The following IGSF11 variants were observed in gnomAD, a reference collection of about 807,000 sequenced individuals.
The protein encoded by IGSF11 is immunoglobulin superfamily member 11.
In IGSF11, 22 loss-of-function variants were observed where a neutral mutation model predicts 41.0. The ratio of observed to expected loss-of-function variants is 0.54; its 90% CI spans 0.38 to 0.77. IGSF11 has a LOEUF of 0.77. IGSF11 is among the 30% of genes least tolerant of loss of function. The pLI, the probability that IGSF11 is intolerant of heterozygous loss-of-function variation, is 0.00. For missense variants in IGSF11, 444 were observed against 530.8 expected (o/e 0.84, Z 1.61); for synonymous variants, 219 against 201.3 (o/e 1.09, Z -0.74).
At chr3:118,956,935 G>T (rs923864805) in intron 1 of IGSF11, among the ~76,000 whole-genome samples, 1 of 152,082 alleles carries the variant, frequency 6.6e-6, no homozygotes, top group Non-Finnish European at 1.5e-5. Context: ...ATAAAACAAG[G>T]TATGCCTCTG....
chr3:119,059,157 A>T (rs962245179), intron 1 of IGSF11, among the ~76,000 whole-genome samples: 1 of 143,006 alleles, frequency 7.0e-6, no homozygotes, highest in Admixed American at 7.0e-5. Context: ...AAGAAAATGT[A>T]GTGTGTGTGT....
intron 1 of IGSF11, among the ~76,000 whole-genome samples, chr3:119,087,061 C>T (rs1327036711): frequency 6.6e-6 from 1 of 152,086 alleles, no homozygotes; most frequent in Non-Finnish European, 1.5e-5. Flanking sequence ...GGAGTAAGAT[C>T]TAACATGGAA....
intron 4 of IGSF11, among the ~76,000 whole-genome samples, chr3:118,925,508 C>A (rs1942210522): frequency 6.6e-6 from 1 of 152,074 alleles, no homozygotes; most frequent in African/African-American, 2.4e-5. Flanking sequence ...TTGACAAAAT[C>A]TCTTCAATTT....
At chr3:118,967,607 A>G (rs1945771523) in intron 1 of IGSF11, among the ~76,000 whole-genome samples, 1 of 152,118 alleles carries the variant, frequency 6.6e-6, no homozygotes, top group African/African-American at 2.4e-5. Flanking sequence ...GTCAGTAGGA[A>G]TTCAACTTAG....
At chr3:119,024,291 G>A (rs1162668809) in intron 1 of IGSF11, among the ~76,000 whole-genome samples, 2 of 152,078 alleles carry the variant, frequency 1.3e-5, no homozygotes, top group Non-Finnish European at 2.9e-5. Flanking sequence ...ATATTCTCAC[G>A]AAAATGAATC....
chr3:119,105,043 T>C (rs1265695788), intron 1 of IGSF11: 2 of 682,168 alleles, frequency 2.9e-6, no homozygotes, highest in East Asian at 2.6e-5. Flanking sequence ...TAGGAGAATA[T>C]ACATAGAAGT....
intron 1 of IGSF11, among the ~76,000 whole-genome samples, chr3:119,135,421 G>T (rs531887110): frequency 3.9e-5 from 6 of 152,010 alleles, no homozygotes; most frequent in African/African-American, 9.7e-5. Flanking sequence ...CAGACACTTC[G>T]CAAAAGAAGA....
At chr3:118,931,846 C>T (rs1942878581) in intron 1 of IGSF11, among the ~76,000 whole-genome samples, 1 of 151,586 alleles carries the variant, frequency 6.6e-6, no homozygotes, top group African/African-American at 2.4e-5. Context: ...CATTCTCCTG[C>T]CTCAGCCTCC....
intron 1 of IGSF11, among the ~76,000 whole-genome samples, chr3:118,973,969 G>A (rs576650188): frequency 3.3e-5 from 5 of 152,132 alleles, no homozygotes; most frequent in Admixed American, 6.5e-5. Context: ...GGGGGAAGGA[G>A]AGCGTCAGGA....
At chr3:118,955,477 GT>G (rs1204923921) in intron 1 of IGSF11, among the ~76,000 whole-genome samples, 1 of 152,036 alleles carries the variant, frequency 6.6e-6, no homozygotes, top group Non-Finnish European at 1.5e-5. Context: ...ACAATCTTGA[GT>G]TGATTTTTCT....
chr3:118,951,678 G>C (rs907839721), intron 1 of IGSF11, among the ~76,000 whole-genome samples: 22 of 151,878 alleles, frequency 1.4e-4, no homozygotes, highest in African/African-American at 4.8e-5. Flanking sequence ...TTGGTTCCAG[G>C]ACACCCCCCA....
At chr3:119,022,347 G>C (rs1939378437) in intron 1 of IGSF11, among the ~76,000 whole-genome samples, 1 of 152,172 alleles carries the variant, frequency 6.6e-6, no homozygotes, top group Non-Finnish European at 1.5e-5. Context: ...GGAAATAGCG[G>C]TGATAGCTGC....
intron 1 of IGSF11, among the ~76,000 whole-genome samples, chr3:119,092,558 G>T (rs1161584858): frequency 6.6e-6 from 1 of 152,080 alleles, no homozygotes; most frequent in African/African-American, 2.4e-5. Context: ...TTGAACTCCT[G>T]ACCTCAGGTG....
At chr3:119,059,283 A>C (rs1941974967) in intron 1 of IGSF11, among the ~76,000 whole-genome samples, 1 of 152,110 alleles carries the variant, frequency 6.6e-6, no homozygotes, top group Non-Finnish European at 1.5e-5. Context: ...GGAGTTGGAG[A>C]CCATTATTCT....
intron 1 of IGSF11, among the ~76,000 whole-genome samples, chr3:118,987,559 G>A (rs1315766650): frequency 1.3e-5 from 2 of 152,164 alleles, no homozygotes; most frequent in Admixed American, 6.5e-5. Flanking sequence ...AATTGCTTCT[G>A]CTGCTAAACA....
chr3:118,909,669 AC>A (rs1940036226), intron 4 of IGSF11, among the ~76,000 whole-genome samples: 1 of 152,268 alleles, frequency 6.6e-6, no homozygotes, highest in South Asian at 2.1e-4. Context: ...ATGTTAGGAT[AC>A]ATCCTGCTTC....
chr3:119,039,937 C>A lies in IGSF11; in HGVS notation c.49+65207G>T, dbSNP rs750091691. Among the ~76,000 whole-genome samples the A allele has an allele frequency of 7.2e-5, 11 of 152,220 alleles. 1 individual carries two copies. In the South Asian group the frequency reaches 2.3e-3, roughly 32 times the overall value. Reference sequence around the variant, plus strand: ...CAACCTGTCCTTTTTCATTCCTGGGCGTAGGCTGAACTAACTTTGGGAGAA... The same window carrying A: ...CAACCTGTCCTTTTTCATTCCTGGGAGTAGGCTGAACTAACTTTGGGAGAA... On this transcript the variant is annotated intron_variant, in intron 1 of 6. Coordinates refer to the IGSF11 transcript ENST00000354673.
chr3:119,032,926 T>C (rs950764881), intron 1 of IGSF11, among the ~76,000 whole-genome samples: 2 of 152,194 alleles, frequency 1.3e-5, no homozygotes, highest in African/African-American at 2.4e-5. Flanking sequence ...TAAATATCTG[T>C]TGAACAATGA....
intron 1 of IGSF11, among the ~76,000 whole-genome samples, chr3:119,011,162 C>G (rs893992242): frequency 2.0e-5 from 3 of 152,112 alleles, no homozygotes; most frequent in African/African-American, 7.2e-5. Context: ...GAAGTCTCAA[C>G]TGTGGAAGTG....
Sources: gnomAD v4.1 joint callset for allele counts (sites outside exome capture counted in the v4.1 genomes callset) on GRCh38, gnomAD v4.1.1 for gene constraint, MANE v1.5 for transcripts, NCBI Gene and HGNC (gene_info 2026-07-23, HGNC 2026-07-21) for gene names.